CCDC152: variants seen among roughly 807,000 people sequenced by gnomAD.
CCDC152 encodes coiled-coil domain containing 152, also known as coiled-coil domain-containing protein 152.
In CCDC152, 37 loss-of-function variants were observed where a neutral mutation model predicts 38.1. The ratio of observed to expected loss-of-function variants is 0.97; its 90% CI spans 0.75 to 1.28. CCDC152 has a LOEUF of 1.28. CCDC152 is among the 50% of genes most tolerant of loss of function. CCDC152 has a pLI of 0.00. For synonymous variants in CCDC152, 83 were observed against 87.1 expected (o/e 0.95, Z 0.26); for missense variants, 259 against 292.1 (o/e 0.89, Z 0.83).
rs576895096 is a variant in CCDC152, at chr5:42,762,478, G to A, written c.123G>A (p.Leu41=). 1.0e-5 allele frequency: 16 copies of A among 1,534,632 alleles called. No individual in the cohort carries two copies. In the Admixed American group the frequency reaches 1.2e-4, roughly 11 times the overall value. ...MVETNGKNNI[L]DIQLEKSNCL... The stretch of plus-strand genomic sequence containing the variant: ...AAACCAATGGAAAGAACAATATACT[G>A]GATATTCAGTTGGAAAAAAGTAATT... The change falls in exon 3 of 9, where the codon CTG becomes CTA. Residue 41 remains leucine, a synonymous_variant. Coordinates refer to ENST00000361970, the MANE Select transcript of CCDC152 (RefSeq NM_001134848.2).
chr5:42,765,688 C>T (rs1231517132), intron 3 of CCDC152, among the ~76,000 whole-genome samples: 1 of 152,096 alleles, frequency 6.6e-6, no homozygotes, highest in African/African-American at 2.4e-5. Context: ...ATAACTGGTG[C>T]TGGGAAAACT....
intron 6 of CCDC152, among the ~76,000 whole-genome samples, chr5:42,786,126 T>C (rs1332191477): frequency 6.6e-6 from 1 of 152,108 alleles, no homozygotes; most frequent in African/African-American, 2.4e-5. Context: ...ACTGGTTTCA[T>C]AGCATGAGTT....
intron 6 of CCDC152, among the ~76,000 whole-genome samples, chr5:42,788,949 C>T (rs1487299610): frequency 6.6e-6 from 1 of 152,050 alleles, no homozygotes; most frequent in African/African-American, 2.4e-5. Context: ...GACAGAGATC[C>T]CTTGGGCAGC....
At chr5:42,767,559 CCAACAA>C (rs974575392) in intron 3 of CCDC152, among the ~76,000 whole-genome samples, 1 of 151,710 alleles carries the variant, frequency 6.6e-6, no homozygotes, top group South Asian at 2.1e-4. Context: ...ACAGTAAAGT[CCAACAA>C]CAACAACAAC....
intron 5 of CCDC152, among the ~76,000 whole-genome samples, chr5:42,782,641 A>G (rs1256588984): frequency 6.6e-6 from 1 of 152,128 alleles, no homozygotes; most frequent in East Asian, 1.9e-4. Context: ...ACGATGTATC[A>G]TATACTTCAA....
At chr5:42,797,788 C>T (rs981382173) in intron 7 of CCDC152, among the ~76,000 whole-genome samples, 1 of 151,878 alleles carries the variant, frequency 6.6e-6, no homozygotes, top group African/African-American at 2.4e-5. Context: ...CAAATTCCTA[C>T]AATTTTTTTT....
intron 6 of CCDC152, among the ~76,000 whole-genome samples, chr5:42,789,770 G>A (rs1759973550): frequency 6.6e-6 from 1 of 151,994 alleles, no homozygotes; most frequent in Non-Finnish European, 1.5e-5. Context: ...GTTTTATATG[G>A]TTGTTGAAAA....
At chr5:42,781,717 T>A (rs1221606466) in intron 5 of CCDC152, among the ~76,000 whole-genome samples, 1 of 152,140 alleles carries the variant, frequency 6.6e-6, no homozygotes, top group African/African-American at 2.4e-5. Flanking sequence ...TCAAGAAATA[T>A]ATATCAAGAT....
chr5:42,785,420 A>G lies in CCDC152; in HGVS notation c.430+1844A>G, dbSNP rs114406409. On this transcript the variant is annotated intron_variant, in intron 6 of 8. Transcript: ENST00000361970. Reference sequence around the variant, plus strand: ...GCTTGAGTGTTGTTGGTTTATAAGAATGTCACTGATTTTGATGCATTCATT... The same window carrying G: ...GCTTGAGTGTTGTTGGTTTATAAGAGTGTCACTGATTTTGATGCATTCATT... Among the ~76,000 whole-genome samples the G allele has an allele frequency of 9.1e-3, 1,387 of 152,140 alleles. 21 individuals carry two copies. The highest frequency in any genetic ancestry group is 0.032 in the African/African-American group (1,324 of 41,526).
At chr5:42,781,734 G>C (rs1449230970) in intron 5 of CCDC152, among the ~76,000 whole-genome samples, 2 of 152,104 alleles carry the variant, frequency 1.3e-5, no homozygotes, top group Non-Finnish European at 2.9e-5. Flanking sequence ...AGATATATGT[G>C]TGTGCACATA....
At chr5:42,794,875 C>G (rs1012261804) in intron 6 of CCDC152, among the ~76,000 whole-genome samples, 18 of 151,896 alleles carry the variant, frequency 1.2e-4, no homozygotes, top group Non-Finnish European at 2.5e-4. Flanking sequence ...GCCATAAACT[C>G]TAAGATAACC....
At chr5:42,768,416 C>A (rs1252664321) in intron 3 of CCDC152, among the ~76,000 whole-genome samples, 1 of 152,130 alleles carries the variant, frequency 6.6e-6, no homozygotes, top group Non-Finnish European at 1.5e-5. Context: ...CCCTAATAGC[C>A]AAGTGGATTT....
chr5:42,798,204 T>G (rs1215665991), intron 7 of CCDC152, among the ~76,000 whole-genome samples: 6 of 152,160 alleles, frequency 3.9e-5, no homozygotes, highest in African/African-American at 1.4e-4. Flanking sequence ...CAATCTCAAA[T>G]GTACTTTGAC....
intron 3 of CCDC152, among the ~76,000 whole-genome samples, chr5:42,768,559 T>C (rs1167237490): frequency 6.6e-6 from 1 of 152,254 alleles, no homozygotes; most frequent in Non-Finnish European, 1.5e-5. Flanking sequence ...TCTTCTATTA[T>C]GTCAGCAGCC....
At chr5:42,759,965 G>A (rs1003521197) in intron 2 of CCDC152, among the ~76,000 whole-genome samples, 1 of 152,074 alleles carries the variant, frequency 6.6e-6, no homozygotes, top group Non-Finnish European at 1.5e-5. Flanking sequence ...TGGAGGTCAC[G>A]AACATATCCT....
chr5:42,774,678 T>A (rs867219862), intron 4 of CCDC152, among the ~76,000 whole-genome samples: 1 of 152,088 alleles, frequency 6.6e-6, no homozygotes. Flanking sequence ...ATAGAATACT[T>A]CTCCTTCTGC....
At chr5:42,763,438 C>T (rs1252787426) in intron 3 of CCDC152, among the ~76,000 whole-genome samples, 1 of 152,092 alleles carries the variant, frequency 6.6e-6, no homozygotes, top group Non-Finnish European at 1.5e-5. Context: ...ACTCATTAAT[C>T]GTGGGCTCAA....
At chr5:42,762,632 T>C in intron 3 of CCDC152, 84 bp downstream of exon 3, 2 of 755,978 alleles carry the variant, frequency 2.6e-6, no homozygotes, top group Non-Finnish European at 4.5e-6. Flanking sequence ...ACCATATATT[T>C]GTAAAGTGTT....
At chr5:42,789,953 C>A (rs4866962) in intron 6 of CCDC152, among the ~76,000 whole-genome samples, 39,475 of 152,008 alleles carry the variant, frequency 0.26, 5,712 homozygotes, top group Admixed American at 0.38. Flanking sequence ...AAAGCACCAA[C>A]AATAAAGGCA....
Sources: gnomAD v4.1 joint callset for allele counts (sites outside exome capture counted in the v4.1 genomes callset) on GRCh38, gnomAD v4.1.1 for gene constraint, MANE v1.5 for transcripts, NCBI Gene and HGNC (gene_info 2026-07-23, HGNC 2026-07-21) for gene names.